The following C20orf203 variants were observed in gnomAD, a reference collection of about 807,000 sequenced individuals.
C20orf203 encodes uncharacterized protein C20orf203.
C20orf203 carries 16 observed loss-of-function variants against 15.9 expected under a neutral mutation model. The ratio of observed to expected loss-of-function variants is 1.01; its 90% confidence interval spans 0.68 to 1.53. C20orf203 has a LOEUF of 1.53. C20orf203 is among the 40% of genes most tolerant of loss of function. C20orf203 has a pLI of 0.00. For missense variants in C20orf203, 263 were observed against 247.5 expected, an observed-to-expected ratio of 1.06 and a Z score of -0.42; for synonymous variants, 98 against 97.2, an observed-to-expected ratio of 1.01 and a Z score of -0.05.
chr20:32,661,722 G>A lies in C20orf203; in HGVS notation c.-263-9741C>T, dbSNP rs376722332. Among the ~76,000 whole-genome samples the A allele has an allele frequency of 7.4e-4, 112 of 152,252 alleles. 4 individuals carry two copies. The South Asian group carries it at 0.023, about 31-fold the overall frequency. On this transcript the variant is annotated intron_variant, in intron 1 of 5. Transcript: ENST00000608990. Reference sequence around the variant, plus strand: ...TGCAAAGGGGTCATCTGGACTACTGGACGGTCAGCAAGGGCCACCCATTCA... The same window carrying A: ...TGCAAAGGGGTCATCTGGACTACTGAACGGTCAGCAAGGGCCACCCATTCA...
chr20:32,672,935 G>C (rs1018584572), intron 1 of C20orf203, among the ~76,000 whole-genome samples: 3 of 152,164 alleles, frequency 2.0e-5, no homozygotes, highest in Admixed American at 6.6e-5. Context: ...GGTGAAGATG[G>C]CTGGTAGGAA....
intron 4 of C20orf203, among the ~76,000 whole-genome samples, chr20:32,642,286 C>T (rs1034496228): frequency 2.0e-5 from 3 of 152,250 alleles, no homozygotes; most frequent in African/African-American, 7.2e-5. Flanking sequence ...TTGAAGCCCC[C>T]TGCAGACTTG....
intron 4 of C20orf203, among the ~76,000 whole-genome samples, chr20:32,645,553 G>A (rs1982401433): frequency 6.6e-6 from 1 of 152,224 alleles, no homozygotes; most frequent in Admixed American, 6.5e-5. Flanking sequence ...CTCCTCTCCT[G>A]CGAGACCTCT....
chr20:32,665,635 C>T (rs1964470695), intron 1 of C20orf203, among the ~76,000 whole-genome samples: 1 of 152,204 alleles, frequency 6.6e-6, no homozygotes, highest in East Asian at 1.9e-4. Context: ...GTGTGAGCCA[C>T]ACAGGGAATT....
chr20:32,649,182 T>G (rs978939737), intron 4 of C20orf203, 73 bp downstream of exon 4: 3 of 152,200 alleles, frequency 2.0e-5, no homozygotes, highest in African/African-American at 7.2e-5. Flanking sequence ...CTGGGCAACA[T>G]AGTGAGACCC....
chr20:32,647,166 G>A (rs1049320043), intron 4 of C20orf203, among the ~76,000 whole-genome samples: 5 of 152,162 alleles, frequency 3.3e-5, no homozygotes, highest in Non-Finnish European at 7.4e-5. Context: ...AGGCCAAGCT[G>A]GATGGATCAC....
chr20:32,661,935 T>C (rs1440802884), intron 1 of C20orf203, among the ~76,000 whole-genome samples: 1 of 152,130 alleles, frequency 6.6e-6, no homozygotes, highest in South Asian at 2.1e-4. Context: ...GGGAGGCCCA[T>C]GTCAGCGTAA....
intron 5 of C20orf203, among the ~76,000 whole-genome samples, chr20:32,637,722 A>C (rs1390818395): frequency 6.6e-6 from 1 of 152,230 alleles, no homozygotes; most frequent in Non-Finnish European, 1.5e-5. Flanking sequence ...TGCTTAGAAT[A>C]ATAGGTGTTC....
At chr20:32,666,155 T>TAAAAAAAAAAAAAAAAAAAAAAGAA (rs1983017943) in intron 1 of C20orf203, among the ~76,000 whole-genome samples, 4 of 102,770 alleles carry the variant, frequency 3.9e-5, no homozygotes, top group African/African-American at 1.1e-4. Flanking sequence ...ATAAATAAAG[T>TAAAAAAAAAAAAAAAAAAAAAAGAA]AAAAAAAAAA....
Position 32,673,907 on chromosome 20 carries a change from G to C in C20orf203, c.-539C>G, listed in dbSNP as rs1233941575. On this transcript the variant is annotated 5_prime_UTR_variant, in exon 1 of 6. Transcript: ENST00000608990. Reference sequence around the variant, plus strand: ...AGGGTTTTGGGGATCACACAGGCTTGGGAAGAAAAGTCAGCTCAGACCCAC... The same window carrying C: ...AGGGTTTTGGGGATCACACAGGCTTCGGAAGAAAAGTCAGCTCAGACCCAC... 1 of 152,268 alleles carries C rather than the reference G, an allele frequency of 6.6e-6. No homozygotes were observed. The highest frequency in any genetic ancestry group is 2.4e-5 in the African/African-American group (1 of 41,390). 9.4% of individuals were successfully genotyped at this position (152,268 alleles called of 1,614,324 possible). A position where few individuals can be genotyped will look rare whatever the true frequency, so the allele number is the denominator to read the frequency against.
intron 4 of C20orf203, among the ~76,000 whole-genome samples, chr20:32,642,503 T>C (rs933886177): frequency 3.9e-5 from 6 of 152,222 alleles, no homozygotes; most frequent in Admixed American, 6.5e-5. Context: ...GATAACACTT[T>C]TGGCGCGGCG....
chr20:32,644,694 T>C (rs1982375089), intron 4 of C20orf203, among the ~76,000 whole-genome samples: 1 of 152,090 alleles, frequency 6.6e-6, no homozygotes, highest in Admixed American at 6.5e-5. Flanking sequence ...GCAACCAGAT[T>C]ACATCTCCCA....
At chr20:32,647,477 G>A (rs1182344911) in intron 4 of C20orf203, among the ~76,000 whole-genome samples, 1 of 152,110 alleles carries the variant, frequency 6.6e-6, no homozygotes, top group Non-Finnish European at 1.5e-5. Flanking sequence ...GCTAAGGTGG[G>A]AGGATCACTT....
intron 5 of C20orf203, among the ~76,000 whole-genome samples, chr20:32,637,617 T>G (rs1303402342): frequency 6.6e-6 from 1 of 152,180 alleles, no homozygotes; most frequent in African/African-American, 2.4e-5. Flanking sequence ...TCCATGTCAT[T>G]TGTTCACTTT....
chr20:32,645,081 G>C (rs1221226368), intron 4 of C20orf203, among the ~76,000 whole-genome samples: 1 of 152,056 alleles, frequency 6.6e-6, no homozygotes, highest in Admixed American at 6.5e-5. Flanking sequence ...AGATATAAGA[G>C]GAATTGGTTG....
intron 1 of C20orf203, among the ~76,000 whole-genome samples, chr20:32,655,170 G>A (rs934588375): frequency 2.6e-5 from 4 of 152,324 alleles, no homozygotes; most frequent in East Asian, 3.9e-4. Flanking sequence ...ATAAAACTCT[G>A]AGAACATAGA....
At position 32,633,452 on chromosome 20, in the gene C20orf203, C is replaced by T. The variant is rs889494046; in HGVS notation, c.*2118G>A. On this transcript the variant is annotated 3_prime_UTR_variant, in exon 6 of 6. Coordinates refer to ENST00000608990, the MANE Select transcript of C20orf203 (RefSeq NM_182584.4). ...GGCAGACAACGAGGCACAGATAGAA[C>T]TTGTGACAGGCGAACTGGGGTCAGA... 1 of 152,242 alleles carries T rather than the reference C, an allele frequency of 6.6e-6. No individual in the cohort carries two copies. The highest frequency in any genetic ancestry group is 2.4e-5 in the African/African-American group (1 of 41,442). The allele number at this position is 152,242 out of a possible 1,614,324, so 9.4% of individuals were successfully genotyped here.
chr20:32,645,122 C>T (rs1005071496), intron 4 of C20orf203, among the ~76,000 whole-genome samples: 16 of 152,144 alleles, frequency 1.1e-4, no homozygotes, highest in Admixed American at 5.2e-4. Context: ...CCCTAACAGC[C>T]TGGCCCACAC....
Position 32,650,838 on chromosome 20 carries a change from A to G in C20orf203, c.179T>C (p.Leu60Pro). ...GGTCCTCCTTCCCGCCCCACCGCCA[A>G]GGTCCCAGAGGTGGGCAGTGAGTCC... ...LAGLTAHLWDLGGGAGRRTSK... is the reference protein window; with the variant it reads ...LAGLTAHLWDPGGGAGRRTSK... The change falls in exon 4 of 6, where the codon CTT becomes CCT. Residue 60 changes from leucine (L) to proline (P), a missense_variant. Coordinates refer to ENST00000608990, the MANE Select transcript of C20orf203 (RefSeq NM_182584.4). 1 of 1,466,816 alleles carries G rather than the reference A, an allele frequency of 6.8e-7. No homozygotes were observed. The highest frequency in any genetic ancestry group is 9.0e-7 in the Non-Finnish European group (1 of 1,106,946). The allele number at this position is 1,466,816 out of a possible 1,614,324, so 90.9% of individuals were successfully genotyped here.
Sources: gnomAD v4.1 joint callset for allele counts (sites outside exome capture counted in the v4.1 genomes callset) on GRCh38, gnomAD v4.1.1 for gene constraint, MANE v1.5 for transcripts, NCBI Gene and HGNC (gene_info 2026-07-23, HGNC 2026-07-21) for gene names.